The following HGS variants were observed in gnomAD, a reference collection of about 807,000 sequenced individuals.
HGS encodes human growth factor-regulated tyrosine kinase substrate.
In HGS, 63 loss-of-function variants were observed where a neutral mutation model predicts 109.7. That is an observed-to-expected ratio of 0.57 (90% CI 0.47 to 0.71). HGS has a LOEUF of 0.71. Ranked by LOEUF, HGS falls within the 30% of genes least tolerant of loss-of-function variation. The pLI is 0.00. For synonymous variants in HGS, 546 were observed against 437.3 expected (o/e 1.25, Z -3.10); for missense variants, 995 against 1,068.3 (o/e 0.93, Z 0.96).
intron 18 of HGS, among the ~76,000 whole-genome samples, chr17:81,699,519 A>G (rs747779811): frequency 3.9e-4 from 60 of 152,336 alleles, no homozygotes; most frequent in Non-Finnish European, 6.9e-4. Flanking sequence ...TCCGCCTCCC[A>G]GGTTCAAGCA....
chr17:81,687,254 C>T (rs943727190), intron 4 of HGS, among the ~76,000 whole-genome samples, 159 bp downstream of exon 4: 4 of 152,174 alleles, frequency 2.6e-5, no homozygotes, highest in Non-Finnish European at 4.4e-5. Flanking sequence ...ACTCATGAGT[C>T]GGAGAGACAG....
At position 81,693,985 on chromosome 17, in the gene HGS, G is replaced by A. The variant is rs202130687; in HGVS notation, c.936+20G>A. The A allele has an allele frequency of 1.4e-3, 2,267 of 1,593,048 alleles. 2 individuals carry two copies. The highest frequency in any genetic ancestry group is 1.8e-3 in the Non-Finnish European group (2,053 of 1,171,454). Reference sequence around the variant, plus strand: ...CCTGTGGTGAGCGGCCCTTGGGCTGGAGCTCCCTCTCCTGGAAGGCAGTAG... The same window carrying A: ...CCTGTGGTGAGCGGCCCTTGGGCTGAAGCTCCCTCTCCTGGAAGGCAGTAG... On this transcript the variant is annotated intron_variant, in intron 11 of 21. Coordinates refer to ENST00000329138, the MANE Select transcript of HGS (RefSeq NM_004712.5).
intron 1 of HGS, 37 bp from the exon 2 acceptor site, chr17:81,685,568 G>T: frequency 1.3e-6 from 2 of 1,539,838 alleles, no homozygotes; most frequent in South Asian, 1.2e-5. Flanking sequence ...GCGTCCAGCA[G>T]GATAACCCCT....
chr17:81,701,490 T>C lies in HGS; in HGVS notation c.2224-18T>C. On this transcript the variant is annotated intron_variant, in intron 21 of 21. Coordinates refer to ENST00000329138, the MANE Select transcript of HGS (RefSeq NM_004712.5). ...GGGAAGGGAGGACCAGGGCCATGCC[T>C]GCTTTCCTCCTGCACAGATGGCACC... is the stretch of plus-strand genomic sequence containing the variant. The C allele has an allele frequency of 1.3e-6, 2 of 1,540,060 alleles. No homozygotes were observed. The highest frequency in any genetic ancestry group is 1.7e-6 in the Non-Finnish European group (2 of 1,148,066).
intron 18 of HGS, among the ~76,000 whole-genome samples, chr17:81,699,224 G>C (rs1031727548): frequency 6.6e-6 from 1 of 152,222 alleles, no homozygotes; most frequent in Non-Finnish European, 1.5e-5. Flanking sequence ...CTGTGGAGAC[G>C]ATGCCTCCTA....
At chr17:81,688,068 G>A (rs968274048) in intron 4 of HGS, among the ~76,000 whole-genome samples, 3 of 152,220 alleles carry the variant, frequency 2.0e-5, no homozygotes, top group African/African-American at 7.2e-5. Flanking sequence ...GATGCAGAGG[G>A]GTTCTGGAAA....
chr17:81,696,106 A>C (rs1340871242), intron 15 of HGS, 107 bp downstream of exon 15: 4 of 1,052,380 alleles, frequency 3.8e-6, no homozygotes, highest in Non-Finnish European at 5.4e-6. Flanking sequence ...TGAGTCCTTC[A>C]TTGGGGCCGT....
In HGS at chr17:81,694,075, G is replaced by A. The variant is rs927851578; in HGVS notation, c.936+110G>A. ...GGTTGGTGGGGGATGCGGGTCCCCGGGCTTCCCAGAGAGGACAGCCCCAGC... is the reference window on the plus strand; with the variant it reads ...GGTTGGTGGGGGATGCGGGTCCCCGAGCTTCCCAGAGAGGACAGCCCCAGC... On this transcript the variant is annotated intron_variant, in intron 11 of 21. Coordinates refer to ENST00000329138, the MANE Select transcript of HGS (RefSeq NM_004712.5). 11 of 923,574 alleles carry A rather than the reference G, an allele frequency of 1.2e-5. No homozygotes were observed. The African/African-American group carries it at 1.8e-4, about 15-fold the overall frequency. 57.2% of individuals were successfully genotyped at this position (923,574 alleles called of 1,614,324 possible). A position where few individuals can be genotyped will look rare whatever the true frequency, so the allele number is the denominator to read the frequency against.
At chr17:81,692,745 G>A (rs1410085608) in intron 8 of HGS, 1 of 152,150 alleles carries the variant, frequency 6.6e-6, no homozygotes, top group African/African-American at 2.4e-5. Context: ...CACTTTGGGA[G>A]GCTGAGGCGG....
chr17:81,688,930 C>T, intron 5 of HGS, 103 bp downstream of exon 5: 3 of 1,485,054 alleles, frequency 2.0e-6, no homozygotes, highest in Admixed American at 1.8e-5. Context: ...GGGTTGTTCC[C>T]TGTGTTGGGA....
chr17:81,684,751 G>C (rs1226650787), intron 1 of HGS: 1 of 185,858 alleles, frequency 5.4e-6, no homozygotes, highest in African/African-American at 2.4e-5. Context: ...TGCGTCTAAT[G>C]TTTGGGGGTA....
chr17:81,691,126 G>A lies in HGS; in HGVS notation c.538-321G>A. 2.3e-6 allele frequency: 1 copy of A among 444,350 alleles called. No homozygotes were observed. The highest frequency in any genetic ancestry group is 4.1e-6 in the Non-Finnish European group (1 of 243,390). The allele number at this position is 444,350 out of a possible 1,614,324, so 27.5% of individuals were successfully genotyped here. On this transcript the variant is annotated intron_variant, in intron 7 of 21. Transcript: ENST00000329138. The surrounding 1 kb of genome is among the most constrained non-coding windows in gnomAD (Gnocchi z 5.3). ...CCAGGCTGGCAACCGGCAGTGCTTG[G>A]GGTTTGGGGTGTCAGCAGCTTCCAG... is the stretch of plus-strand genomic sequence containing the variant.
rs183770939 is a variant in HGS, at chr17:81,692,088, C to T, written c.662+517C>T. 9.2e-5 allele frequency: 15 copies of T among 162,210 alleles called. No individual in the cohort carries two copies. The East Asian group carries it at 2.1e-3, about 23-fold the overall frequency. 10.0% of individuals were successfully genotyped at this position (162,210 alleles called of 1,614,324 possible). On this transcript the variant is annotated intron_variant, in intron 8 of 21. Coordinates refer to ENST00000329138, the MANE Select transcript of HGS (RefSeq NM_004712.5). ...TGCCCCTTGGCACTCAGATCTTCGC[C>T]TGTGATCTCTGAGAGGGACAGTGCT...
chr17:81,695,254 C>A, intron 14 of HGS, 31 bp downstream of exon 14: 3 of 1,604,402 alleles, frequency 1.9e-6, no homozygotes, highest in African/African-American at 1.3e-5. Context: ...CGGGCCAGGG[C>A]AAAACATGGC....
intron 18 of HGS, among the ~76,000 whole-genome samples, chr17:81,699,512 G>A (rs1453986164): frequency 6.6e-6 from 1 of 152,164 alleles, no homozygotes; most frequent in Non-Finnish European, 1.5e-5. Context: ...GGCATTCTCC[G>A]CCTCCCAGGT....
chr17:81,701,279 CAG>C, intron 21 of HGS, 148 bp downstream of exon 21: 1 of 821,140 alleles, frequency 1.2e-6, no homozygotes, highest in Non-Finnish European at 2.0e-6. Context: ...TCTCAGCAGA[CAG>C]AACGAGGACA....
chr17:81,690,069 C>A, intron 5 of HGS, 113 bp from the exon 6 acceptor site: 2 of 1,160,864 alleles, frequency 1.7e-6, no homozygotes, highest in Non-Finnish European at 1.2e-6. Context: ...CAGACACCTT[C>A]ACTTGGGTGC....
At chr17:81,699,018 G>A (rs535878312) in intron 18 of HGS, among the ~76,000 whole-genome samples, 1 of 150,616 alleles carries the variant, frequency 6.6e-6, no homozygotes, top group African/African-American at 2.4e-5. Context: ...AGTGAGCCAA[G>A]ATCATGCCAT....
At chr17:81,684,660 C>T (rs984434131) in intron 1 of HGS, among the ~76,000 whole-genome samples, 1 of 152,130 alleles carries the variant, frequency 6.6e-6, no homozygotes, top group African/African-American at 2.4e-5. Flanking sequence ...GAAAGCTGAT[C>T]CTATCTGAGC....
Sources: allele counts gnomAD v4.1 joint callset (sites outside exome capture counted in the v4.1 genomes callset), GRCh38; gene constraint gnomAD v4.1.1; non-coding constraint Gnocchi (gnomAD v3.1); transcripts MANE v1.5; gene names NCBI Gene and HGNC (gene_info 2026-07-23, HGNC 2026-07-21).